PCDHA12: variants seen among roughly 807,000 people sequenced by gnomAD.
PCDHA12 encodes protocadherin alpha 12, also known as protocadherin alpha-12.
A neutral mutation model predicts 60.0 loss-of-function variants in PCDHA12; 44 were observed. The ratio of observed to expected loss-of-function variants is 0.73; its 90% confidence interval spans 0.58 to 0.94. The LOEUF (loss-of-function observed/expected upper bound fraction) is 0.94, where lower values mean the gene tolerates loss of function less well. PCDHA12 is among the 40% of genes least tolerant of loss of function. The probability of loss-of-function intolerance (pLI) is 0.00; values close to 1 mark genes in which losing one functional copy is unlikely to be tolerated. For synonymous variants in PCDHA12, 569 were observed against 553.0 expected (o/e 1.03, Z -0.40); for missense variants, 1,276 against 1,239.7 (o/e 1.03, Z -0.44).
At chr5:140,911,866 T>A (rs139180139) in intron 1 of PCDHA12, among the ~76,000 whole-genome samples, 31 of 152,320 alleles carry the variant, frequency 2.0e-4, no homozygotes, top group Non-Finnish European at 4.3e-4. Context: ...TCTGTTCTTC[T>A]GGAACCACTC....
chr5:140,894,852 T>C (rs1366360589), intron 1 of PCDHA12, among the ~76,000 whole-genome samples: 2 of 152,200 alleles, frequency 1.3e-5, no homozygotes, highest in African/African-American at 2.4e-5. Flanking sequence ...CATTTTTATA[T>C]GAAAAGTGCT....
rs139214405 is a variant in PCDHA12, at chr5:140,927,269, C to A, written c.2367+49430C>A. The A allele has an allele frequency of 2.4e-5, 38 of 1,614,024 alleles. No individual in the cohort carries two copies. In the African/African-American group the frequency reaches 3.9e-4, roughly 16 times the overall value. On this transcript the variant is annotated intron_variant, in intron 1 of 3. Transcript: ENST00000398631. ...AATGACAACTCACCTCTCTTTCCTG[C>A]CGGCGACGTGCAGCTGCACATCCCC...
chr5:140,966,852 T>C, intron 1 of PCDHA12: 1 of 1,572,518 alleles, frequency 6.4e-7, no homozygotes, highest in South Asian at 1.1e-5. Flanking sequence ...CTGCCTCTCC[T>C]GCTGCTGTTG....
chr5:140,927,904 C>T, intron 1 of PCDHA12: 5 of 1,614,202 alleles, frequency 3.1e-6, no homozygotes, highest in Non-Finnish European at 4.2e-6. Flanking sequence ...CGATCATGCC[C>T]CCGAACTGGA....
chr5:140,966,109 C>G (rs373588380), intron 1 of PCDHA12: 47 of 156,394 alleles, frequency 3.0e-4, no homozygotes, highest in African/African-American at 1.1e-3. Context: ...GCCTGGGTGC[C>G]CATACTTAGC....
At chr5:140,926,613 C>T (rs868988407) in intron 1 of PCDHA12, 87 of 374,818 alleles carry the variant, frequency 2.3e-4, no homozygotes, top group Middle Eastern at 2.1e-3. Context: ...GTCTCTGCAC[C>T]CCTAGGCGGC....
At chr5:140,998,247 T>C (rs2097802911) in intron 3 of PCDHA12, among the ~76,000 whole-genome samples, 1 of 152,216 alleles carries the variant, frequency 6.6e-6, no homozygotes, top group Non-Finnish European at 1.5e-5. Flanking sequence ...ATTATACTCA[T>C]TTTACTGCTA....
chr5:140,955,922 GTTCA>G (rs1413540621), intron 1 of PCDHA12, among the ~76,000 whole-genome samples: 2 of 152,138 alleles, frequency 1.3e-5, no homozygotes, highest in African/African-American at 4.8e-5. Flanking sequence ...GTGAATGGGA[GTTCA>G]TTCATAATAT....
Position 140,877,592 on chromosome 5 carries a change from T to G in PCDHA12, c.2120T>G (p.Val707Gly). 1 of 1,613,812 alleles carries G rather than the reference T, an allele frequency of 6.2e-7. No individual in the cohort carries two copies. The highest frequency in any genetic ancestry group is 1.1e-5 in the South Asian group (1 of 91,084). ...NVYLIIAICA[V>G]SSLLVLTLLL... The stretch of plus-strand genomic sequence containing the variant: ...TACCTCATCATCGCCATCTGTGCGG[T>G]GTCCAGCCTGCTGGTGCTCACGCTG... Residue 707 changes from valine to glycine, a missense_variant, in exon 1 of 4, where the codon GTG (valine) becomes GGG (glycine). Transcript: ENST00000398631.
chr5:140,882,779 C>G (rs1554175579), intron 1 of PCDHA12: 2 of 1,614,168 alleles, frequency 1.2e-6, no homozygotes, highest in Non-Finnish European at 8.5e-7. Context: ...ATTGACCTAC[C>G]GACTGGATCC....
chr5:140,993,368 T>A (rs1354951477), intron 3 of PCDHA12, among the ~76,000 whole-genome samples: 2 of 151,944 alleles, frequency 1.3e-5, no homozygotes, highest in Middle Eastern at 6.8e-3. Flanking sequence ...AAAAACTACC[T>A]CCCAGCCGGG....
chr5:140,968,257 T>C (rs781932747), intron 1 of PCDHA12: 2 of 1,613,946 alleles, frequency 1.2e-6, no homozygotes, highest in East Asian at 2.2e-5. Context: ...CAGACCCAGA[T>C]GAAAAGGAGA....
chr5:140,931,049 A>G (rs1165336064), intron 1 of PCDHA12, among the ~76,000 whole-genome samples: 1 of 152,226 alleles, frequency 6.6e-6, no homozygotes, highest in Non-Finnish European at 1.5e-5. Flanking sequence ...AAAAACTTCA[A>G]TGCTGTGTCT....
At chr5:140,922,144 A>C (rs906517842) in intron 1 of PCDHA12, among the ~76,000 whole-genome samples, 5 of 151,922 alleles carry the variant, frequency 3.3e-5, no homozygotes, top group African/African-American at 1.2e-4. Flanking sequence ...TCCTCCATGA[A>C]ACTCATCAAA....
intron 1 of PCDHA12, chr5:140,884,083 G>C (rs538322622): frequency 1.2e-6 from 2 of 1,613,596 alleles, no homozygotes; most frequent in South Asian, 1.1e-5. Context: ...GCTACAATGC[G>C]TGGCTTTCGT....
chr5:140,963,300 TAAG>T (rs1387833703), intron 1 of PCDHA12, among the ~76,000 whole-genome samples: 2 of 152,120 alleles, frequency 1.3e-5, no homozygotes, highest in African/African-American at 4.8e-5. Flanking sequence ...GGAGAGAAAA[TAAG>T]AAGCTGTTTG....
At chr5:140,927,652 C>T (rs868980158) in intron 1 of PCDHA12, 28 of 1,614,054 alleles carry the variant, frequency 1.7e-5, no homozygotes, top group African/African-American at 9.3e-5. Flanking sequence ...TGTGTTATTC[C>T]GAGTTCAAGC....
intron 1 of PCDHA12, among the ~76,000 whole-genome samples, chr5:140,924,421 A>G (rs2081827627): frequency 6.6e-6 from 1 of 152,172 alleles, no homozygotes; most frequent in Non-Finnish European, 1.5e-5. Flanking sequence ...TGCCCTTTCT[A>G]GTTCCCTAGA....
chr5:140,967,876 G>T, intron 1 of PCDHA12: 1 of 1,614,144 alleles, frequency 6.2e-7, no homozygotes, highest in Non-Finnish European at 8.5e-7. Context: ...TCACGGACCT[G>T]TATAGCCCAG....
Sources: gnomAD v4.1 joint callset for allele counts (sites outside exome capture counted in the v4.1 genomes callset) on GRCh38, gnomAD v4.1.1 for gene constraint, MANE v1.5 for transcripts, NCBI Gene and HGNC (gene_info 2026-07-23, HGNC 2026-07-21) for gene names.